The following MYRFL variants were observed in gnomAD, a reference collection of about 807,000 sequenced individuals.
The protein encoded by MYRFL is myelin regulatory factor like.
A neutral mutation model predicts 109.4 loss-of-function variants in MYRFL; 88 were observed. The ratio of observed to expected loss-of-function variants is 0.80; its 90% CI spans 0.68 to 0.96. MYRFL has a LOEUF of 0.96. Ranked by LOEUF, MYRFL falls within the 40% of genes least tolerant of loss-of-function variation. MYRFL has a pLI of 0.00. For synonymous variants in MYRFL, 324 were observed against 320.9 expected (o/e 1.01, Z -0.10); for missense variants, 957 against 954.9 (o/e 1.00, Z -0.03).
At chr12:69,906,466 C>T (rs1031488333) in intron 11 of MYRFL, among the ~76,000 whole-genome samples, 1 of 152,100 alleles carries the variant, frequency 6.6e-6, no homozygotes, top group Non-Finnish European at 1.5e-5. Context: ...ACCTCAATGT[C>T]AATGCCCAAA....
At chr12:69,945,754 G>C (rs575109618) in intron 19 of MYRFL, among the ~76,000 whole-genome samples, 2 of 151,754 alleles carry the variant, frequency 1.3e-5, no homozygotes, top group Non-Finnish European at 2.9e-5. Context: ...TTGGGAGGCC[G>C]AGGCGGGCGG....
intron 9 of MYRFL, 29 bp from the exon 10 acceptor site, chr12:69,897,127 T>C (rs532898817): frequency 4.8e-6 from 7 of 1,443,764 alleles, no homozygotes; most frequent in Admixed American, 2.0e-5. Context: ...TCCTGATGCA[T>C]TGGCATTGGT....
At chr12:69,935,854 G>A (rs1014047219) in intron 16 of MYRFL, 2 of 464,558 alleles carry the variant, frequency 4.3e-6, no homozygotes, top group African/African-American at 2.0e-5. Flanking sequence ...TGCCAGGGCT[G>A]GGGGGCTGCT....
rs115640559 is a variant in MYRFL, at chr12:69,843,585, G to A, written c.47-11695G>A. ...TCTTTGCTGTGCCTTCCCTGCTCAC[G>A]CCCTTGGAGAAGCCCCATAGGCATA... On this transcript the variant is annotated intron_variant, in intron 1 of 24. Coordinates refer to ENST00000552032, the MANE Select transcript of MYRFL (RefSeq NM_182530.3). Among the ~76,000 whole-genome samples, 239 of 152,334 alleles carry A rather than the reference G, an allele frequency of 1.6e-3. 1 individual carries two copies. Among genetic ancestry groups the A allele is most frequent in the African/African-American group, 5.4e-3 (225 of 41,584 alleles).
At chr12:69,862,955 A>C (rs61927978) in intron 2 of MYRFL, among the ~76,000 whole-genome samples, 17,183 of 152,130 alleles carry the variant, frequency 0.11, 1,246 homozygotes, top group Middle Eastern at 0.18. Context: ...AGTTTTTAGC[A>C]TGAAGGGTTG....
At chr12:69,939,032 G>C (rs868370150) in intron 19 of MYRFL, among the ~76,000 whole-genome samples, 86 of 152,288 alleles carry the variant, frequency 5.6e-4, no homozygotes, top group African/African-American at 2.0e-3. Context: ...CACCTGGCTC[G>C]GAGGGTCCTA....
At position 69,924,619 on chromosome 12, in the gene MYRFL, A is replaced by G. The variant is rs193078093; in HGVS notation, c.1603-1952A>G. ...GGTGTACTGGCTCAAAAATAAAAAT[A>G]TATGTAATTTTGCTAGATATTGCTA... is the stretch of plus-strand genomic sequence containing the variant. On this transcript the variant is annotated intron_variant, in intron 13 of 24. Coordinates refer to ENST00000552032, the MANE Select transcript of MYRFL (RefSeq NM_182530.3). Among the ~76,000 whole-genome samples the G allele has an allele frequency of 1.9e-4, 29 of 152,304 alleles. No individual in the cohort carries two copies. In the East Asian group the frequency reaches 4.2e-3, roughly 22 times the overall value.
At chr12:69,944,698 AAAAG>A (rs1443719833) in intron 19 of MYRFL, among the ~76,000 whole-genome samples, 6 of 152,138 alleles carry the variant, frequency 3.9e-5, no homozygotes, top group African/African-American at 1.4e-4. Flanking sequence ...AAAAGAAAAA[AAAAG>A]AAAAGACAAA....
intron 1 of MYRFL, among the ~76,000 whole-genome samples, chr12:69,853,170 A>T (rs1883997640): frequency 6.7e-6 from 1 of 148,448 alleles, no homozygotes. Flanking sequence ...GGCTAGGCAG[A>T]GGCGCCCCCC....
At chr12:69,904,022 A>C (rs1954279268) in intron 11 of MYRFL, 178 bp downstream of exon 11, 1 of 550,824 alleles carries the variant, frequency 1.8e-6, no homozygotes, top group Non-Finnish European at 3.1e-6. Context: ...TGAAATTGTA[A>C]AGCAGTTCCT....
At chr12:69,836,940 A>G (rs1335814072) in intron 1 of MYRFL, among the ~76,000 whole-genome samples, 1 of 152,164 alleles carries the variant, frequency 6.6e-6, no homozygotes, top group African/African-American at 2.4e-5. Context: ...ACCCAACTTC[A>G]AAGTTTCTTT....
chr12:69,915,242 G>A (rs1954695985), intron 13 of MYRFL, among the ~76,000 whole-genome samples: 1 of 151,996 alleles, frequency 6.6e-6, no homozygotes, highest in African/African-American at 2.4e-5. Context: ...CCACCTCCAG[G>A]GCTGCTTGTT....
intron 16 of MYRFL, among the ~76,000 whole-genome samples, chr12:69,933,791 G>C (rs968141887): frequency 6.6e-6 from 1 of 152,132 alleles, no homozygotes; most frequent in African/African-American, 2.4e-5. Flanking sequence ...ATTCTCTAGA[G>C]ACACAGATTC....
chr12:69,916,327 G>T (rs1954727111), intron 13 of MYRFL, among the ~76,000 whole-genome samples: 1 of 152,094 alleles, frequency 6.6e-6, no homozygotes. Context: ...CGGGGCAGAG[G>T]TTCACGGGTG....
At chr12:69,932,024 T>TTAAA (rs1202889113) in intron 15 of MYRFL, among the ~76,000 whole-genome samples, 2 of 152,240 alleles carry the variant, frequency 1.3e-5, no homozygotes, top group Admixed American at 1.3e-4. Context: ...TGTTATAATT[T>TTAAA]TAAAAAGTGT....
chr12:69,952,255 G>A, intron 20 of MYRFL, 80 bp downstream of exon 20: 4 of 1,305,276 alleles, frequency 3.1e-6, no homozygotes, highest in Non-Finnish European at 3.2e-6. Flanking sequence ...CATTGCTGGA[G>A]TGAGGAGCAG....
chr12:69,948,463 G>A (rs1203020685), intron 19 of MYRFL, among the ~76,000 whole-genome samples: 6 of 152,128 alleles, frequency 3.9e-5, no homozygotes, highest in Non-Finnish European at 8.8e-5. Context: ...AATTTATAAC[G>A]AGCTCTTTTT....
At chr12:69,891,637 T>TTCCTCCTTTC in intron 7 of MYRFL, among the ~76,000 whole-genome samples, 1 of 53,788 alleles carries the variant, frequency 1.9e-5, no homozygotes, top group African/African-American at 5.7e-5. Context: ...CTTCCTTTCT[T>TTCCTCCTTTC]TTTCTTTCTT....
At chr12:69,838,534 C>T (rs943129098) in intron 1 of MYRFL, among the ~76,000 whole-genome samples, 1 of 152,194 alleles carries the variant, frequency 6.6e-6, no homozygotes, top group Non-Finnish European at 1.5e-5. Context: ...CTTCTCTTTC[C>T]CAAATTTACC....
Sources: allele counts gnomAD v4.1 joint callset (sites outside exome capture counted in the v4.1 genomes callset), GRCh38; gene constraint gnomAD v4.1.1; transcripts MANE v1.5; gene names NCBI Gene and HGNC (gene_info 2026-07-23, HGNC 2026-07-21).